The following B4GALNT4 variants were observed in gnomAD, a reference collection of about 807,000 sequenced individuals.
B4GALNT4 encodes beta-1,4-N-acetyl-galactosaminyltransferase 4.
A neutral mutation model predicts 110.0 loss-of-function variants in B4GALNT4; 77 were observed. The observed-to-expected ratio is 0.70, with a 90% CI of 0.58 to 0.85. B4GALNT4 has a LOEUF of 0.85. Ranked by LOEUF, B4GALNT4 falls within the 40% of genes least tolerant of loss-of-function variation. The pLI is 0.00. For synonymous variants in B4GALNT4, 785 were observed against 655.5 expected (o/e 1.20, Z -3.02); for missense variants, 1,575 against 1,506.0 (o/e 1.05, Z -0.76).
intron 14 of B4GALNT4, among the ~76,000 whole-genome samples, chr11:378,365 C>T (rs1002371336): frequency 6.6e-6 from 1 of 152,304 alleles, no homozygotes; most frequent in Admixed American, 6.5e-5. Context: ...AGAGGGCACG[C>T]CTGCCCCGGC....
Position 372,226 on chromosome 11 carries a change from TG to T in B4GALNT4, c.255+18del. The T allele has an allele frequency of 6.5e-7, 1 of 1,548,434 alleles. No individual in the cohort carries two copies. Among genetic ancestry groups the T allele is most frequent in the South Asian group, 1.2e-5 (1 of 84,016 alleles). ...GAGGAGCAAGCGGTGAGCAGAGCCC[TG>T]GGGAGAACACGTGTGCACGGAGACG... On this transcript the variant is annotated intron_variant, in intron 2 of 19. Coordinates refer to ENST00000329962, the MANE Select transcript of B4GALNT4 (RefSeq NM_178537.5).
Position 376,718 on chromosome 11 carries a change from C to A in B4GALNT4, c.1595C>A (p.Pro532Gln). 1 of 1,404,168 alleles carries A rather than the reference C, an allele frequency of 7.1e-7. No individual in the cohort carries two copies. The highest frequency in any genetic ancestry group is 9.2e-7 in the Non-Finnish European group (1 of 1,085,206). The allele number at this position is 1,404,168 out of a possible 1,614,324, so 87.0% of individuals were successfully genotyped here. A position where few individuals can be genotyped will look rare whatever the true frequency, so the allele number is the denominator to read the frequency against. ...PPKVYVTRVR[P>Q]GQRASPRAPA... is the part of the protein sequence containing the mutation. ...AAGGTGTACGTGACCAGGGTGCGGC[C>A]GGGACAGCGGGCATCCCCCCGGGCC... is the stretch of plus-strand genomic sequence containing the variant. Residue 532 changes from proline (P) to glutamine (Q), a missense_variant, in exon 14 of 20, where the codon CCG (proline) becomes CAG (glutamine). Physicochemically the swap from Pro to Gln is moderately conservative, Grantham distance 76. Transcript: ENST00000329962.
At chr11:376,048 G>A (rs1313713704) in intron 11 of B4GALNT4, 26 bp from the exon 12 acceptor site, 1 of 1,605,608 alleles carries the variant, frequency 6.2e-7, no homozygotes, top group South Asian at 1.1e-5. Flanking sequence ...TCCGCGCCCT[G>A]AGCCCTGCGC....
At chr11:372,619 C>A in intron 2 of B4GALNT4, 43 bp from the exon 3 acceptor site, 1 of 1,530,658 alleles carries the variant, frequency 6.5e-7, no homozygotes, top group South Asian at 1.2e-5. Flanking sequence ...GACCTCCTCC[C>A]TGCCCTTCCA....
At chr11:374,287 C>A (rs963352565) in intron 8 of B4GALNT4, among the ~76,000 whole-genome samples, 2 of 151,908 alleles carry the variant, frequency 1.3e-5, no homozygotes, top group Admixed American at 1.3e-4. Flanking sequence ...CGGAGAGAGC[C>A]TGGGGGAAGG....
In B4GALNT4 at chr11:381,921, T is replaced by C; in HGVS notation, c.*129T>C. On this transcript the variant is annotated 3_prime_UTR_variant, in exon 20 of 20. Coordinates refer to ENST00000329962, the MANE Select transcript of B4GALNT4 (RefSeq NM_178537.5). ...CACAGCCACCGCCTGTGCCTGCCCC[T>C]CTCTGGCCCACTGGGCGTCGTGCCC... is the stretch of plus-strand genomic sequence containing the variant. The C allele has an allele frequency of 8.5e-7, 1 of 1,170,306 alleles. No homozygotes were observed. The highest frequency in any genetic ancestry group is 1.1e-6 in the Non-Finnish European group (1 of 891,752). The allele number at this position is 1,170,306 out of a possible 1,614,324, so 72.5% of individuals were successfully genotyped here. A position where few individuals can be genotyped will look rare whatever the true frequency, so the allele number is the denominator to read the frequency against.
chr11:377,147 G>A lies in B4GALNT4; in HGVS notation c.2024G>A (p.Trp675Ter). ...EEAAGPALGRWREDAIDWQRT... is the reference protein window; with the variant it reads ...EEAAGPALGR ...GCCGCGGGCCCGGCGCTCGGACGCT[G>A]GCGTGAGGACGCCATCGACTGGCAG... Residue 675 changes from tryptophan to a stop codon, truncating the protein, a stop_gained, in exon 14 of 20, where the codon TGG becomes TAG. Transcript: ENST00000329962. LOFTEE classifies it high-confidence loss of function. 1 of 1,540,778 alleles carries A rather than the reference G, an allele frequency of 6.5e-7. No individual in the cohort carries two copies. Among genetic ancestry groups the A allele is most frequent in the South Asian group, 1.2e-5 (1 of 83,018 alleles).
In B4GALNT4 at chr11:380,952, G is replaced by GTGACCACC; in HGVS notation, c.2996+3_2996+10dup. On this transcript the variant is annotated splice_donor_variant, in intron 19 of 19. Coordinates refer to ENST00000329962, the MANE Select transcript of B4GALNT4 (RefSeq NM_178537.5). LOFTEE classifies it high-confidence loss of function. ...GTGAAGACTGGGAGCTCCTGGACAGGTGACCACCTCCCCACTCCCCAGAGG... is the reference window on the plus strand; with the variant it reads ...GTGAAGACTGGGAGCTCCTGGACAGGTGACCACCTGACCACCTCCCCACTCCCCAGAGG... The GTGACCACC allele has an allele frequency of 6.2e-7, 1 of 1,611,426 alleles. No homozygotes were observed. The highest frequency in any genetic ancestry group is 1.1e-5 in the South Asian group (1 of 90,664).
Position 377,042 on chromosome 11 carries a change from C to T in B4GALNT4, c.1919C>T (p.Pro640Leu), listed in dbSNP as rs776432914. ...SLSQVSGPQL[P>L]GEGEEEEEGE... is the part of the protein sequence containing the mutation. Reference sequence around the variant, plus strand: ...TCCCAGGTGTCCGGGCCGCAGCTGCCCGGGGAGGGCGAAGAGGAGGAGGAA... The same window carrying T: ...TCCCAGGTGTCCGGGCCGCAGCTGCTCGGGGAGGGCGAAGAGGAGGAGGAA... Residue 640 changes from proline to leucine, a missense_variant, in exon 14 of 20, where the codon CCC becomes CTC. By Grantham distance (98) the Pro-to-Leu change is moderately conservative. Transcript: ENST00000329962. 6.9e-7 allele frequency: 1 copy of T among 1,438,966 alleles called. No individual in the cohort carries two copies. Among genetic ancestry groups the T allele is most frequent in the Non-Finnish European group, 9.1e-7 (1 of 1,097,110 alleles). 89.1% of individuals were successfully genotyped at this position (1,438,966 alleles called of 1,614,324 possible). A position where few individuals can be genotyped will look rare whatever the true frequency, so the allele number is the denominator to read the frequency against.
At chr11:380,748 T>C (rs770823878) in intron 18 of B4GALNT4, 77 bp from the exon 19 acceptor site, 8 of 1,604,684 alleles carry the variant, frequency 5.0e-6, no homozygotes, top group Non-Finnish European at 6.8e-6. Context: ...CCTCCCGAGG[T>C]CTCCTAGCGG....
At chr11:376,029 C>T (rs1176117883) in intron 11 of B4GALNT4, 45 bp from the exon 12 acceptor site, 2 of 1,602,002 alleles carry the variant, frequency 1.2e-6, no homozygotes, top group Non-Finnish European at 1.7e-6. Context: ...GGGAGGCCGC[C>T]CCGGGAGGTC....
Position 379,431 on chromosome 11 carries a change from C to A in B4GALNT4, c.2218C>A (p.Leu740Met). The A allele has an allele frequency of 6.5e-7, 1 of 1,531,322 alleles. No individual in the cohort carries two copies. The highest frequency in any genetic ancestry group is 8.7e-7 in the Non-Finnish European group (1 of 1,147,796). 94.9% of individuals were successfully genotyped at this position (1,531,322 alleles called of 1,614,324 possible). Residue 740 changes from leucine to methionine, a missense_variant, in exon 15 of 20, where the codon CTG becomes ATG. Leu to Met is a conservative substitution (Grantham distance 15). Coordinates refer to ENST00000329962, the MANE Select transcript of B4GALNT4 (RefSeq NM_178537.5). ...TGAGCCTTGCAGGCGCTTCGCGCTT[C>A]TGCGCATCGTGAACGTGGAGAAGCG... Reference protein sequence around the residue: ...NARHGGRFALLRIVNVEKRRD... With the variant: ...NARHGGRFALMRIVNVEKRRD...
At position 376,557 on chromosome 11, in the gene B4GALNT4, C is replaced by A. The variant is rs1265912715; in HGVS notation, c.1434C>A (p.Thr478=). 18 of 1,361,110 alleles carry A rather than the reference C, an allele frequency of 1.3e-5. No individual in the cohort carries two copies. The highest frequency in any genetic ancestry group is 4.0e-5 in the Admixed American group (1 of 25,256). 84.3% of individuals were successfully genotyped at this position (1,361,110 alleles called of 1,614,324 possible). Residue 478 remains threonine, a synonymous_variant, in exon 14 of 20, where the codon ACC becomes ACA. Transcript: ENST00000329962. ...CCGGAGCCACCCTCGCCCCGCCGAC[C>A]CCTCCCCGCCCCCGGGACGGGGGGA... ...AQPGATLAPP[T]PPRPRDGGTP...
At position 377,082 on chromosome 11, in the gene B4GALNT4, G is replaced by A. The variant is rs757463816; in HGVS notation, c.1959G>A (p.Gly653=). The change falls in exon 14 of 20, where the codon GGG becomes GGA. Residue 653 remains glycine, a synonymous_variant. Coordinates refer to ENST00000329962, the MANE Select transcript of B4GALNT4 (RefSeq NM_178537.5). ...AGGAGGAGGAAGGGGAGGACGATGG[G>A]GCCCCGGGCGACGAGGCCGCGTCGG... is the stretch of plus-strand genomic sequence containing the variant. ...GEEEEEGEDD[G]APGDEAASED... is the part of the protein sequence containing the mutation. 2 of 1,449,354 alleles carry A rather than the reference G, an allele frequency of 1.4e-6. No individual in the cohort carries two copies. Among genetic ancestry groups the A allele is most frequent in the East Asian group, 2.7e-5 (1 of 36,854 alleles). 89.8% of individuals were successfully genotyped at this position (1,449,354 alleles called of 1,614,324 possible). A position where few individuals can be genotyped will look rare whatever the true frequency, so the allele number is the denominator to read the frequency against.
intron 11 of B4GALNT4, 30 bp from the exon 12 acceptor site, chr11:376,044 C>T: frequency 6.2e-7 from 1 of 1,601,762 alleles, no homozygotes; most frequent in Non-Finnish European, 8.5e-7. Context: ...GAGGTCCGCG[C>T]CCTGAGCCCT....
intron 14 of B4GALNT4, among the ~76,000 whole-genome samples, chr11:378,845 C>G (rs768458432): frequency 6.6e-6 from 1 of 151,970 alleles, no homozygotes; most frequent in Non-Finnish European, 1.5e-5. Context: ...TGTGAAGGCA[C>G]GATTGGGGGC....
rs1846573992 is a variant in B4GALNT4 at position 369,684 on chromosome 11, A to T, written c.-120A>T. Reference sequence around the variant, plus strand: ...GGCCGCGCACGGCGGACAAAGGACCATGCGGGGCCGCGGGCGCTGAGCGCG... The same window carrying T: ...GGCCGCGCACGGCGGACAAAGGACCTTGCGGGGCCGCGGGCGCTGAGCGCG... On this transcript the variant is annotated 5_prime_UTR_variant, in exon 1 of 20. The change abolishes an upstream ATG in the 5' untranslated region. Coordinates refer to ENST00000329962, the MANE Select transcript of B4GALNT4 (RefSeq NM_178537.5). 2.3e-6 allele frequency: 1 copy of T among 433,274 alleles called. No homozygotes were observed. Among genetic ancestry groups the T allele is most frequent in the South Asian group, 9.9e-5 (1 of 10,086 alleles). 26.8% of individuals were successfully genotyped at this position (433,274 alleles called of 1,614,324 possible). A position where few individuals can be genotyped will look rare whatever the true frequency, so the allele number is the denominator to read the frequency against.
At chr11:373,697 C>T in intron 7 of B4GALNT4, 53 bp from the exon 8 acceptor site, 1 of 1,589,764 alleles carries the variant, frequency 6.3e-7, no homozygotes, top group South Asian at 1.1e-5. Flanking sequence ...TTCCCTGCCT[C>T]CACTATTTGA....
rs1470903967 is a variant in B4GALNT4, at chr11:381,928, C to G, written c.*136C>G. 1.8e-6 allele frequency: 2 copies of G among 1,112,036 alleles called. No individual in the cohort carries two copies. The highest frequency in any genetic ancestry group is 4.3e-5 in the South Asian group (2 of 46,712). The allele number at this position is 1,112,036 out of a possible 1,614,324, so 68.9% of individuals were successfully genotyped here. A position where few individuals can be genotyped will look rare whatever the true frequency, so the allele number is the denominator to read the frequency against. On this transcript the variant is annotated 3_prime_UTR_variant, in exon 20 of 20. Coordinates refer to ENST00000329962, the MANE Select transcript of B4GALNT4 (RefSeq NM_178537.5). ...ACCGCCTGTGCCTGCCCCTCTCTGG[C>G]CCACTGGGCGTCGTGCCCCTCCCCG...
Sources: allele counts gnomAD v4.1 joint callset (sites outside exome capture counted in the v4.1 genomes callset), GRCh38; gene constraint gnomAD v4.1.1; transcripts MANE v1.5; gene names NCBI Gene and HGNC (gene_info 2026-07-23, HGNC 2026-07-21).